Variants in SLIT2 observed in about 807,000 individuals in gnomAD.
SLIT2 encodes slit guidance ligand 2, also known as slit homolog 2 protein.
SLIT2 carries 41 observed loss-of-function variants against 185.7 expected under a neutral mutation model. The observed-to-expected ratio is 0.22, with a 90% CI of 0.17 to 0.29. The LOEUF (loss-of-function observed/expected upper bound fraction) is 0.29, where lower values mean the gene tolerates loss of function less well. Ranked by LOEUF, SLIT2 falls within the 10% of genes least tolerant of loss-of-function variation. The pLI is 1.00. For synonymous variants in SLIT2, 693 were observed against 680.2 expected (o/e 1.02, Z -0.29); for missense variants, 1,571 against 1,909.0 (o/e 0.82, Z 3.30).
intron 9 of SLIT2, among the ~76,000 whole-genome samples, chr4:20,501,655 A>G (rs917367798): frequency 4.6e-5 from 7 of 152,330 alleles, no homozygotes; most frequent in South Asian, 2.1e-4. Context: ...TGATAGCTCC[A>G]CAGCAAAACA....
intron 4 of SLIT2, among the ~76,000 whole-genome samples, chr4:20,284,446 C>T (rs1221688640): frequency 6.6e-6 from 1 of 152,172 alleles, no homozygotes; most frequent in South Asian, 2.1e-4. Flanking sequence ...TATTCACATG[C>T]ACTGAGTGCT....
At chr4:20,565,760 G>A (rs555270401) in intron 26 of SLIT2, among the ~76,000 whole-genome samples, 109 of 151,766 alleles carry the variant, frequency 7.2e-4, no homozygotes, top group Non-Finnish European at 1.1e-3. Context: ...CCCTTAATAC[G>A]GTCATCCTAG....
At chr4:20,449,053 C>T (rs972217232) in intron 4 of SLIT2, among the ~76,000 whole-genome samples, 1 of 151,952 alleles carries the variant, frequency 6.6e-6, no homozygotes. Flanking sequence ...TGTTGCTTTT[C>T]TTGAAAATTA....
At chr4:20,573,127 C>T (rs1037607821) in intron 29 of SLIT2, 6 of 687,162 alleles carry the variant, frequency 8.7e-6, no homozygotes, top group East Asian at 2.7e-5. Context: ...AGCTTGCTCG[C>T]CCACCCCTGC....
intron 26 of SLIT2, among the ~76,000 whole-genome samples, chr4:20,562,198 T>G (rs1724750165): frequency 6.6e-6 from 1 of 151,888 alleles, no homozygotes; most frequent in Non-Finnish European, 1.5e-5. Context: ...TCTTGCCAAT[T>G]TAGTGGCTTC....
At chr4:20,453,093 G>A (rs949971327) in intron 4 of SLIT2, among the ~76,000 whole-genome samples, 8 of 152,172 alleles carry the variant, frequency 5.3e-5, no homozygotes, top group African/African-American at 1.9e-4. Context: ...GGAAAGATTA[G>A]CTTAAGATTG....
chr4:20,453,462 A>G (rs1169127474), intron 4 of SLIT2, among the ~76,000 whole-genome samples: 3 of 152,322 alleles, frequency 2.0e-5, no homozygotes, highest in Admixed American at 6.5e-5. Flanking sequence ...AAATGGTAAT[A>G]TGTAACATTT....
intron 4 of SLIT2, among the ~76,000 whole-genome samples, chr4:20,301,573 TATC>T (rs1717045890): frequency 6.6e-6 from 1 of 152,154 alleles, no homozygotes; most frequent in Non-Finnish European, 1.5e-5. Context: ...GTAGTTAAAT[TATC>T]ATGTCATGAA....
intron 26 of SLIT2, chr4:20,554,214 C>G (rs565413843): frequency 7.0e-6 from 4 of 573,878 alleles, no homozygotes; most frequent in Non-Finnish European, 1.3e-5. Context: ...TATCAAAAAA[C>G]GTAGAGTTCA....
intron 4 of SLIT2, among the ~76,000 whole-genome samples, chr4:20,457,745 C>A (rs1713240080): frequency 6.6e-6 from 1 of 152,114 alleles, no homozygotes; most frequent in South Asian, 2.1e-4. Flanking sequence ...CTTTTCATTT[C>A]TAAGTGTGTT....
intron 4 of SLIT2, among the ~76,000 whole-genome samples, chr4:20,466,604 A>G (rs1480367897): frequency 6.6e-6 from 1 of 152,190 alleles, no homozygotes; most frequent in Admixed American, 6.5e-5. Flanking sequence ...AAATCTCCGT[A>G]TCTGCCGGTT....
At chr4:20,268,437 T>C (rs1399497713) in intron 3 of SLIT2, among the ~76,000 whole-genome samples, 1 of 151,796 alleles carries the variant, frequency 6.6e-6, no homozygotes, top group African/African-American at 2.4e-5. Flanking sequence ...ATTGGGACTG[T>C]GTATGGATTA....
At chr4:20,565,277 G>A (rs1725001029) in intron 26 of SLIT2, among the ~76,000 whole-genome samples, 1 of 151,920 alleles carries the variant, frequency 6.6e-6, no homozygotes, top group South Asian at 2.1e-4. Flanking sequence ...TATAGTCGTT[G>A]CATTTGCTGA....
intron 4 of SLIT2, among the ~76,000 whole-genome samples, chr4:20,387,937 A>G (rs1254385370): frequency 6.6e-6 from 1 of 152,176 alleles, no homozygotes; most frequent in Non-Finnish European, 1.5e-5. Flanking sequence ...CCCCAAAGCA[A>G]GCAATGTATA....
At chr4:20,523,483 A>G (rs577983684) in intron 12 of SLIT2, among the ~76,000 whole-genome samples, 2 of 152,306 alleles carry the variant, frequency 1.3e-5, no homozygotes, top group Admixed American at 6.5e-5. Context: ...TTTGTGTACT[A>G]TCCCACCTTT....
At chr4:20,291,490 ATATTTTTTTTTTTTT>A (rs1715919606) in intron 4 of SLIT2, among the ~76,000 whole-genome samples, 1 of 9,960 alleles carries the variant, frequency 1.0e-4, no homozygotes, top group Non-Finnish European at 1.6e-4. Flanking sequence ...ATATATATAT[ATATTTTTTTTTTTTT>A]TTTTTTTTTT....
rs1727766634 is a variant in SLIT2, at chr4:20,417,422, A to T, written c.396-50330A>T. Among the ~76,000 whole-genome samples, 5 of 135,060 alleles carry T rather than the reference A, an allele frequency of 3.7e-5. No individual in the cohort carries two copies. The South Asian group carries it at 1.2e-3, about 31-fold the overall frequency. The allele number at this position is 135,060 out of a possible 152,430, so 88.6% of individuals were successfully genotyped here. A position where few individuals can be genotyped will look rare whatever the true frequency, so the allele number is the denominator to read the frequency against. On this transcript the variant is annotated intron_variant, in intron 4 of 36. Transcript: ENST00000504154. ...ATATGCCTGCTTCCCGCAATCATATATATATGTGTGTGTGTATATATATAT... is the reference window on the plus strand; with the variant it reads ...ATATGCCTGCTTCCCGCAATCATATTTATATGTGTGTGTGTATATATATAT...
intron 33 of SLIT2, among the ~76,000 whole-genome samples, chr4:20,604,076 A>G (rs548463594): frequency 1.3e-5 from 2 of 152,320 alleles, no homozygotes; most frequent in East Asian, 3.9e-4. Flanking sequence ...AGCACCTAAC[A>G]TCGTGCTTGG....
chr4:20,419,257 G>T (rs1431781756), intron 4 of SLIT2, among the ~76,000 whole-genome samples: 1 of 152,088 alleles, frequency 6.6e-6, no homozygotes, highest in East Asian at 1.9e-4. Flanking sequence ...CTTTGTATAT[G>T]TGTGATTTCA....
Sources: gnomAD v4.1 joint callset for allele counts (sites outside exome capture counted in the v4.1 genomes callset) on GRCh38, gnomAD v4.1.1 for gene constraint, MANE v1.5 for transcripts, NCBI Gene and HGNC (gene_info 2026-07-23, HGNC 2026-07-21) for gene names.